The following KCNH2 variants were observed in gnomAD, a reference collection of about 807,000 sequenced individuals.
KCNH2 encodes the protein potassium voltage-gated channel subfamily H member 2, also known as voltage-gated inwardly rectifying potassium channel KCNH2.
KCNH2 carries 35 observed loss-of-function variants against 95.9 expected under a neutral mutation model. The ratio of observed to expected loss-of-function variants is 0.37; its 90% CI spans 0.28 to 0.48. The LOEUF (loss-of-function observed/expected upper bound fraction) is 0.48, where lower values mean the gene tolerates loss of function less well. KCNH2 is among the 20% of genes least tolerant of loss of function. KCNH2 has a pLI of 0.99. For synonymous variants in KCNH2, 786 were observed against 754.7 expected (o/e 1.04, Z -0.68); for missense variants, 1,274 against 1,702.9 (o/e 0.75, Z 4.43).
Position 150,948,453 on chromosome 7 carries a change from T to TGC in KCNH2, c.2681_2682dup (p.Thr895AlafsTer80). ...CCCTCCCCCGCCTCACCCTTGTCCG[T>TGC]GCGCCTGCGGAAGGACAACTTGCGC... is the stretch of plus-strand genomic sequence containing the variant. On this transcript the variant is annotated frameshift_variant, in exon 11 of 15. Coordinates refer to ENST00000262186, the MANE Select transcript of KCNH2 (RefSeq NM_000238.4). LOFTEE classifies it high-confidence loss of function. The TGC allele has an allele frequency of 7.4e-7, 1 of 1,349,242 alleles. No individual in the cohort carries two copies. Among genetic ancestry groups the TGC allele is most frequent in the Non-Finnish European group, 1.0e-6 (1 of 988,998 alleles). 83.6% of individuals were successfully genotyped at this position (1,349,242 alleles called of 1,614,324 possible).
In KCNH2 at chr7:150,946,838, C is replaced by T. The variant is rs569278564; in HGVS notation, c.3330+39G>A. On this transcript the variant is annotated intron_variant, in intron 14 of 14. Coordinates refer to ENST00000262186, the MANE Select transcript of KCNH2 (RefSeq NM_000238.4). The surrounding 1 kb of genome is among the most constrained non-coding windows in gnomAD (Gnocchi z 6.5). ...GTTTGGGCTGGAATCGGGGAACAAG[C>T]GGGTCACGGTACATCGAGGAAGCAG... 9.6e-6 allele frequency: 15 copies of T among 1,558,776 alleles called. No homozygotes were observed. The highest frequency in any genetic ancestry group is 1.7e-4 in the Middle Eastern group (1 of 5,874).
chr7:150,974,675 G>T (rs373703502), intron 2 of KCNH2, 36 bp downstream of exon 2: 1 of 309,638 alleles, frequency 3.2e-6, no homozygotes, highest in Non-Finnish European at 5.1e-6. Context: ...TCTTGACCCC[G>T]CCCCTGGTCG....
intron 2 of KCNH2, among the ~76,000 whole-genome samples, chr7:150,972,241 C>G (rs148353956): frequency 6.6e-6 from 1 of 152,386 alleles, no homozygotes; most frequent in Non-Finnish European, 1.5e-5. Flanking sequence ...CGCCTGCCAG[C>G]AGAAGGCTCC....
chr7:150,953,204 C>T (rs1656141466), intron 5 of KCNH2, among the ~76,000 whole-genome samples: 1 of 152,214 alleles, frequency 6.6e-6, no homozygotes. Context: ...ACACACCCAA[C>T]CACACACGCC....
intron 1 of KCNH2, 87 bp downstream of exon 1, chr7:150,977,751 G>T: frequency 8.6e-7 from 1 of 1,158,448 alleles, no homozygotes; most frequent in Non-Finnish European, 1.2e-6. Context: ...CGACGCACAC[G>T]GCCCGGGCAC....
In KCNH2 at chr7:150,946,161, G is replaced by A. The variant is rs562832100; in HGVS notation, c.3331-647C>T. Reference sequence around the variant, plus strand: ...GTGGGGAGGGAGCAGATCCCAGGCCGCCTCTGGCAGCCAGAGGAGTCCCCA... The same window carrying A: ...GTGGGGAGGGAGCAGATCCCAGGCCACCTCTGGCAGCCAGAGGAGTCCCCA... On this transcript the variant is annotated intron_variant, in intron 14 of 14. Coordinates refer to ENST00000262186, the MANE Select transcript of KCNH2 (RefSeq NM_000238.4). The surrounding 1 kb of genome is among the most constrained non-coding windows in gnomAD (Gnocchi z 6.5). Among the ~76,000 whole-genome samples, 9 of 152,198 alleles carry A rather than the reference G, an allele frequency of 5.9e-5. No homozygotes were observed. Among genetic ancestry groups the A allele is most frequent in the African/African-American group, 9.6e-5 (4 of 41,536 alleles).
chr7:150,949,617 G>A (rs1420365204), intron 9 of KCNH2: 10 of 1,082,958 alleles, frequency 9.2e-6, no homozygotes, highest in Non-Finnish European at 1.1e-5. Context: ...AACTATGGTC[G>A]AAAGAGCTTG....
chr7:150,973,600 C>G (rs1801894234), intron 2 of KCNH2, among the ~76,000 whole-genome samples: 1 of 152,236 alleles, frequency 6.6e-6, no homozygotes, highest in African/African-American at 2.4e-5. Context: ...AGGGACCATG[C>G]CCCCTCTAGT....
Position 150,962,836 on chromosome 7 carries a change from G to T in KCNH2, c.308-3100C>A, listed in dbSNP as rs1306570848. Among the ~76,000 whole-genome samples, 1 of 152,292 alleles carries T rather than the reference G, an allele frequency of 6.6e-6. No individual in the cohort carries two copies. Among genetic ancestry groups the T allele is most frequent in the South Asian group, 2.1e-4 (1 of 4,830 alleles). Reference sequence around the variant, plus strand: ...GGAAGGAAGGAAAGTAGGGGCCCCAGATAGGCCTGGGCTCTCAGAGGCACT... The same window carrying T: ...GGAAGGAAGGAAAGTAGGGGCCCCATATAGGCCTGGGCTCTCAGAGGCACT... On this transcript the variant is annotated intron_variant, in intron 2 of 14. Coordinates refer to ENST00000262186, the MANE Select transcript of KCNH2 (RefSeq NM_000238.4). This position sits in a 1 kb window ranked among gnomAD's most constrained non-coding sequence, Gnocchi z 5.7.
At chr7:150,949,854 G>A (rs1419650340) in intron 9 of KCNH2, 1 of 1,303,728 alleles carries the variant, frequency 7.7e-7, no homozygotes, top group Admixed American at 2.9e-5. Context: ...TTCCAGGCTA[G>A]CATTTCTTCC....
chr7:150,967,521 G>A (rs1461105175), intron 2 of KCNH2, among the ~76,000 whole-genome samples: 1 of 152,184 alleles, frequency 6.6e-6, no homozygotes, highest in East Asian at 1.9e-4. Flanking sequence ...CCTGATAAAG[G>A]CTGCCCCACA....
At chr7:150,949,861 T>C (rs1801066209) in intron 9 of KCNH2, 1 of 1,320,414 alleles carries the variant, frequency 7.6e-7, no homozygotes, top group Non-Finnish European at 9.9e-7. Flanking sequence ...CTAGCATTTC[T>C]TCCTCTACTG....
In KCNH2 at chr7:150,962,147, T is replaced by C. The variant is rs900780249; in HGVS notation, c.308-2411A>G. Among the ~76,000 whole-genome samples the C allele has an allele frequency of 1.3e-5, 2 of 152,128 alleles. No individual in the cohort carries two copies. The highest frequency in any genetic ancestry group is 4.8e-5 in the African/African-American group (2 of 41,444). On this transcript the variant is annotated intron_variant, in intron 2 of 14. Coordinates refer to ENST00000262186, the MANE Select transcript of KCNH2 (RefSeq NM_000238.4). The surrounding 1 kb of genome is among the most constrained non-coding windows in gnomAD (Gnocchi z 5.7). ...GGGGCTGGGCCCAGCTGGAGACCAT[T>C]TGGCACCCAGACAGCCTGCCTGGAG... is the stretch of plus-strand genomic sequence containing the variant.
rs1420621400 is a variant in KCNH2 at position 150,957,383 on chromosome 7, C to A, written c.1036G>T (p.Asp346Tyr). 2 of 1,614,040 alleles carry A rather than the reference C, an allele frequency of 1.2e-6. No homozygotes were observed. Among genetic ancestry groups the A allele is most frequent in the South Asian group, 1.1e-5 (1 of 91,034 alleles). ...CTGGTGGGCGAAGCCAAGAAGGGGT[C>A]GCCCTTGAGGTCCACAAAGTTGAGG... is the stretch of plus-strand genomic sequence containing the variant. ...ITLNFVDLKG[D>Y]PFLASPTSDR... is the part of the protein sequence containing the mutation. Residue 346 changes from aspartate to tyrosine, a missense_variant, in exon 5 of 15, where the codon GAC (aspartate) becomes TAC (tyrosine). Asp to Tyr is a radical substitution (Grantham distance 160). Transcript: ENST00000262186.
chr7:150,959,529 A>G, intron 3 of KCNH2, 43 bp downstream of exon 3: 1 of 1,608,630 alleles, frequency 6.2e-7, no homozygotes, highest in Non-Finnish European at 8.5e-7. Context: ...CAAAGAAATG[A>G]GACCACGAAC....
Position 150,945,309 on chromosome 7 carries a change from G to T in KCNH2, c.*56C>A. On this transcript the variant is annotated 3_prime_UTR_variant, in exon 15 of 15. Transcript: ENST00000262186. This position sits in a 1 kb window ranked among gnomAD's most constrained non-coding sequence, Gnocchi z 5.6. The stretch of plus-strand genomic sequence containing the variant: ...CCTGAGCAGGGCCTCCAAGGGGAGC[G>T]GCCCAGCAGCGCCTTGATCCCTGGG... 1 of 1,535,100 alleles carries T rather than the reference G, an allele frequency of 6.5e-7. No individual in the cohort carries two copies. Among genetic ancestry groups the T allele is most frequent in the Non-Finnish European group, 8.8e-7 (1 of 1,135,468 alleles).
intron 2 of KCNH2, among the ~76,000 whole-genome samples, chr7:150,966,007 AT>A (rs1365884292): frequency 6.6e-6 from 1 of 152,244 alleles, no homozygotes; most frequent in East Asian, 1.9e-4. Context: ...ATGAAGCAAA[AT>A]TCAACCTGGT....
intron 11 of KCNH2, 30 bp from the exon 12 acceptor site, chr7:150,947,908 A>G: frequency 6.5e-7 from 1 of 1,527,112 alleles, no homozygotes; most frequent in Non-Finnish European, 8.7e-7. Flanking sequence ...GGCCTCAGAG[A>G]GGGGAGGAGA....
chr7:150,976,313 G>A (rs369346380), intron 1 of KCNH2, among the ~76,000 whole-genome samples: 1 of 152,194 alleles, frequency 6.6e-6, no homozygotes, highest in East Asian at 1.9e-4. Flanking sequence ...CCTTCCCCTG[G>A]CCCCCAGAAA....
Sources: gnomAD v4.1 joint callset for allele counts (sites outside exome capture counted in the v4.1 genomes callset) on GRCh38, gnomAD v4.1.1 for gene constraint, Gnocchi (gnomAD v3.1) non-coding constraint, MANE v1.5 for transcripts, NCBI Gene and HGNC (gene_info 2026-07-23, HGNC 2026-07-21) for gene names.